Variants in CR1 observed in about 807,000 individuals in gnomAD.
CR1 encodes the protein complement C3b/C4b receptor 1 (Knops blood group).
CR1 carries 116 observed loss-of-function variants against 187.3 expected under a neutral mutation model. That is an observed-to-expected ratio of 0.62 (90% CI 0.53 to 0.72). CR1 has a LOEUF of 0.72. Ranked by LOEUF, CR1 falls within the 30% of genes least tolerant of loss-of-function variation. CR1 has a pLI of 0.00. For synonymous variants in CR1, 576 were observed against 747.1 expected (o/e 0.77, Z 3.73); for missense variants, 1,731 against 2,110.7 (o/e 0.82, Z 3.52).
Position 207,580,395 on chromosome 1 carries a change from C to T in CR1, c.5092C>T (p.Pro1698Ser). The T allele has an allele frequency of 6.2e-7, 1 of 1,613,852 alleles. No individual in the cohort carries two copies. The highest frequency in any genetic ancestry group is 1.7e-5 in the Admixed American group (1 of 59,990). ...CTGCACACCCCAGGGAGACTGGAGCCCTGAAGCCCCGAGATGTGCAGGTGC... is the reference window on the plus strand; with the variant it reads ...CTGCACACCCCAGGGAGACTGGAGCTCTGAAGCCCCGAGATGTGCAGGTGC... Reference protein sequence around the residue: ...LHCTPQGDWSPEAPRCAVKSC... With the variant: ...LHCTPQGDWSSEAPRCAVKSC... Residue 1698 changes from proline to serine, a missense_variant, in exon 30 of 47, where the codon CCT becomes TCT. Pro to Ser is a moderately conservative substitution (Grantham distance 74). Transcript: ENST00000367049.
At chr1:207,616,834 G>C in intron 41 of CR1, 32 bp downstream of exon 41, 1 of 1,605,898 alleles carries the variant, frequency 6.2e-7, no homozygotes, top group Admixed American at 1.7e-5. Flanking sequence ...TCCTAAATGG[G>C]TTCAGAATAT....
chr1:207,612,724 A>T (rs1352658891), intron 39 of CR1, among the ~76,000 whole-genome samples: 1 of 152,122 alleles, frequency 6.6e-6, no homozygotes, highest in Non-Finnish European at 1.5e-5. Context: ...CCCTGGTGGG[A>T]GGGGATGTGT....
chr1:207,635,331 A>T (rs1455735908), intron 46 of CR1, among the ~76,000 whole-genome samples: 1 of 152,162 alleles, frequency 6.6e-6, no homozygotes, highest in African/African-American at 2.4e-5. Context: ...TGGCAGGGTC[A>T]TAGGATAATA....
At chr1:207,519,302 TA>T (rs955352910) in intron 4 of CR1, among the ~76,000 whole-genome samples, 4 of 151,806 alleles carry the variant, frequency 2.6e-5, no homozygotes, top group African/African-American at 9.7e-5. Flanking sequence ...AATTTAATAA[TA>T]AAAATTAAAA....
chr1:207,516,666 C>A (rs1322689894), intron 4 of CR1, among the ~76,000 whole-genome samples: 4 of 151,984 alleles, frequency 2.6e-5, no homozygotes, highest in Admixed American at 1.3e-4. Flanking sequence ...TCTTTAATTT[C>A]TTTTAATAAT....
At chr1:207,605,337 C>CCACA (rs61201153) in intron 35 of CR1, among the ~76,000 whole-genome samples, 3,131 of 142,746 alleles carry the variant, frequency 0.022, 62 homozygotes, top group African/African-American at 0.057. Flanking sequence ...AATATTCTCA[C>CCACA]CACACACACA....
intron 39 of CR1, among the ~76,000 whole-genome samples, chr1:207,613,828 G>A (rs1662014319): frequency 6.6e-6 from 1 of 152,200 alleles, no homozygotes; most frequent in Middle Eastern, 3.4e-3. Context: ...GCATTTTGGG[G>A]TGCAAAGACT....
At position 207,588,511 on chromosome 1, in the gene CR1, G is replaced by A. The variant is rs117975322; in HGVS notation, c.5711-164G>A. Among the ~76,000 whole-genome samples the A allele has an allele frequency of 1.7e-3, 253 of 152,282 alleles. 10 individuals are homozygous for A. The East Asian group carries it at 0.043, about 26-fold the overall frequency. On this transcript the variant is annotated intron_variant, in intron 34 of 46. Transcript: ENST00000367049. ...GATAGTCTTTTTCAAAGTTGTGTTC[G>A]TAGCTACATGATTCTGAAGTTGTCT... is the stretch of plus-strand genomic sequence containing the variant.
intron 34 of CR1, 62 bp from the exon 35 acceptor site, chr1:207,588,613 C>T: frequency 8.9e-7 from 1 of 1,128,028 alleles, no homozygotes; most frequent in Non-Finnish European, 1.3e-6. Context: ...ACACTCCAGT[C>T]TGAACCTTAC....
intron 5 of CR1, among the ~76,000 whole-genome samples, chr1:207,524,719 C>T (rs1302453073): frequency 4.0e-5 from 6 of 151,808 alleles, no homozygotes; most frequent in Non-Finnish European, 8.8e-5. Flanking sequence ...GTGCCTTAGA[C>T]ACATCAGATA....
intron 45 of CR1, among the ~76,000 whole-genome samples, chr1:207,624,311 C>A (rs775730549): frequency 7.9e-5 from 12 of 152,240 alleles, no homozygotes; most frequent in Non-Finnish European, 1.5e-4. Flanking sequence ...GGAAGAGAAC[C>A]TACACAGCTT....
intron 4 of CR1, among the ~76,000 whole-genome samples, chr1:207,520,968 G>GTTTTTTT (rs141546660): frequency 2.0e-4 from 9 of 44,570 alleles, no homozygotes; most frequent in South Asian, 2.1e-3. Context: ...TTTTTTGGTT[G>GTTTTTTT]TTTTTTTTTT....
chr1:207,511,080 C>T (rs376477613), intron 3 of CR1, among the ~76,000 whole-genome samples: 2 of 152,070 alleles, frequency 1.3e-5, no homozygotes, highest in Admixed American at 1.3e-4. Context: ...CCTCAGCCCC[C>T]CAAAGTGCTG....
chr1:207,629,536 T>C (rs1012086193), intron 45 of CR1, among the ~76,000 whole-genome samples: 7 of 152,220 alleles, frequency 4.6e-5, no homozygotes, highest in Non-Finnish European at 8.8e-5. Context: ...GTGAAAACTC[T>C]GCCCCCTGAA....
chr1:207,601,004 A>G (rs1661588155), intron 35 of CR1: 1 of 152,186 alleles, frequency 6.6e-6, no homozygotes. Flanking sequence ...AAAAATTCAA[A>G]TAAATGAACA....
At chr1:207,581,165 C>T (rs1250859992) in intron 31 of CR1, among the ~76,000 whole-genome samples, 39 of 149,646 alleles carry the variant, frequency 2.6e-4, no homozygotes, top group African/African-American at 9.8e-4. Context: ...TATACATGTA[C>T]ATGTGTATAC....
intron 1 of CR1, among the ~76,000 whole-genome samples, chr1:207,496,970 A>G (rs557913538): frequency 2.6e-5 from 4 of 152,180 alleles, no homozygotes; most frequent in African/African-American, 4.8e-5. Context: ...TTTGCTCCCA[A>G]TGGTGTTTAG....
chr1:207,509,366 G>A (rs1348831929), intron 3 of CR1, among the ~76,000 whole-genome samples: 1 of 152,126 alleles, frequency 6.6e-6, no homozygotes, highest in African/African-American at 2.4e-5. Flanking sequence ...GGATGTAAAG[G>A]CTTCAATCTG....
intron 23 of CR1, 118 bp downstream of exon 23, chr1:207,564,352 A>T: frequency 1.3e-6 from 2 of 1,530,882 alleles, no homozygotes; most frequent in Non-Finnish European, 1.8e-6. Flanking sequence ...ACACCTTCAG[A>T]GAGATGAACT....
Sources: gnomAD v4.1 joint callset for allele counts (sites outside exome capture counted in the v4.1 genomes callset) on GRCh38, gnomAD v4.1.1 for gene constraint, MANE v1.5 for transcripts, NCBI Gene and HGNC (gene_info 2026-07-23, HGNC 2026-07-21) for gene names.